ZNF618: variants seen among roughly 807,000 people sequenced by gnomAD.
ZNF618 encodes zinc finger protein 618.
A neutral mutation model predicts 103.0 loss-of-function variants in ZNF618; 34 were observed. That is an observed-to-expected ratio of 0.33 (90% CI 0.25 to 0.44). ZNF618 has a LOEUF of 0.44. Among genes scored for constraint, ZNF618 ranks in the 20% least tolerant of loss-of-function variants. ZNF618 has a pLI of 1.00. For missense variants in ZNF618, 1,059 were observed against 1,295.4 expected (o/e 0.82, Z 2.80); for synonymous variants, 551 against 542.2 (o/e 1.02, Z -0.23).
At position 113,969,154 on chromosome 9, in the gene ZNF618, C is replaced by G; in HGVS notation, c.71C>G (p.Ala24Gly). ...AGTGCAGCCGGAAGGAAAAGCACTGCGAGCAGGTACACTCCCTCTCCCGCC... is the reference window on the plus strand; with the variant it reads ...AGTGCAGCCGGAAGGAAAAGCACTGGGAGCAGGTACACTCCCTCTCCCGCC... ...GASAAGRKST[A>G]SRERLKRSQK... Residue 24 changes from alanine to glycine, a missense_variant, in exon 2 of 15, where the codon GCG becomes GGG. Physicochemically the swap from Ala to Gly is moderately conservative, Grantham distance 60. Coordinates refer to ENST00000374126, the MANE Select transcript of ZNF618 (RefSeq NM_001318042.2). 6.2e-7 allele frequency: 1 copy of G among 1,613,926 alleles called. No individual in the cohort carries two copies. The highest frequency in any genetic ancestry group is 8.5e-7 in the Non-Finnish European group (1 of 1,179,872).
At chr9:113,943,058 A>C (rs1249651558) in intron 1 of ZNF618, among the ~76,000 whole-genome samples, 4 of 152,186 alleles carry the variant, frequency 2.6e-5, no homozygotes, top group Non-Finnish European at 4.4e-5. Context: ...GGAAGAGAAG[A>C]AACTCCACTG....
intron 1 of ZNF618, among the ~76,000 whole-genome samples, chr9:113,959,874 G>A (rs143321082): frequency 0.01 from 1,524 of 152,298 alleles, 36 homozygotes; most frequent in African/African-American, 0.034. Context: ...CTCCCAAAGT[G>A]CTGGGATTAC....
At chr9:114,034,349 C>T (rs1217772719) in intron 12 of ZNF618, among the ~76,000 whole-genome samples, 1 of 152,138 alleles carries the variant, frequency 6.6e-6, no homozygotes, top group Non-Finnish European at 1.5e-5. Flanking sequence ...GTGCCCTGTG[C>T]TCCCAGCCAA....
chr9:113,907,543 C>G (rs1201489711), intron 1 of ZNF618, among the ~76,000 whole-genome samples: 1 of 152,190 alleles, frequency 6.6e-6, no homozygotes, highest in Admixed American at 6.5e-5. Context: ...TTGCTGAATC[C>G]TTATCCAATA....
chr9:113,943,305 G>A (rs1055128585), intron 1 of ZNF618, among the ~76,000 whole-genome samples: 2 of 152,182 alleles, frequency 1.3e-5, no homozygotes, highest in African/African-American at 2.4e-5. Context: ...GAAAGCTTGC[G>A]GCTGGGAGAA....
chr9:114,024,101 G>A (rs1163380039), intron 10 of ZNF618, among the ~76,000 whole-genome samples: 1 of 152,054 alleles, frequency 6.6e-6, no homozygotes, highest in Non-Finnish European at 1.5e-5. Context: ...GATAACTGAA[G>A]CTCTGTTCAT....
At chr9:113,956,209 CAAAAAAAAAAAAAAAAAAAA>C (rs10537910) in intron 1 of ZNF618, among the ~76,000 whole-genome samples, 1 of 44,532 alleles carries the variant, frequency 2.2e-5, no homozygotes, top group African/African-American at 1.0e-4. Flanking sequence ...AACTCTGTCT[CAAAAAAAAAAAAAAAAAAAA>C]AAAAAAAAAA....
At chr9:113,911,209 G>A (rs1831515222) in intron 1 of ZNF618, among the ~76,000 whole-genome samples, 1 of 152,174 alleles carries the variant, frequency 6.6e-6, no homozygotes, top group Non-Finnish European at 1.5e-5. Flanking sequence ...ATAACAAATA[G>A]CAAGTGCTCT....
intron 13 of ZNF618, among the ~76,000 whole-genome samples, chr9:114,043,131 G>T (rs1250446680): frequency 6.6e-6 from 1 of 152,210 alleles, no homozygotes; most frequent in African/African-American, 2.4e-5. Flanking sequence ...TTCACCAACT[G>T]ATGGTCATTT....
At chr9:113,987,274 A>T (rs1839572482) in intron 2 of ZNF618, among the ~76,000 whole-genome samples, 1 of 152,136 alleles carries the variant, frequency 6.6e-6, no homozygotes, top group South Asian at 2.1e-4. Context: ...ATGCTTCAGG[A>T]GTGGATGGCA....
At chr9:113,937,330 C>T (rs1424571794) in intron 1 of ZNF618, among the ~76,000 whole-genome samples, 1 of 152,164 alleles carries the variant, frequency 6.6e-6, no homozygotes, top group African/African-American at 2.4e-5. Context: ...CATGATACTC[C>T]TTTACCCCTG....
chr9:114,010,164 G>A (rs1032756626), intron 9 of ZNF618, among the ~76,000 whole-genome samples: 5 of 152,018 alleles, frequency 3.3e-5, no homozygotes, highest in Admixed American at 1.3e-4. Flanking sequence ...AGCCAGGTGT[G>A]GTGACGCACA....
rs1191014933 is a variant in ZNF618 at position 113,889,350 on chromosome 9, T to TCTCTCTCCCTCCCTCCCTCC, written c.33+12940_33+12941insTCTCCCTCCCTCCCTCCCTC. On this transcript the variant is annotated intron_variant, in intron 1 of 14. Transcript: ENST00000374126. Reference sequence around the variant, plus strand: ...CTCTCTCTCTCTCTCTCTCTCTTTCTCTCCCTCCCTCTCCATGTGTGGTCT... The same window carrying TCTCTCTCCCTCCCTCCCTCC: ...CTCTCTCTCTCTCTCTCTCTCTTTCTCTCTCTCCCTCCCTCCCTCCCTCCCTCCCTCTCCATGTGTGGTCT... Among the ~76,000 whole-genome samples the TCTCTCTCCCTCCCTCCCTCC allele has an allele frequency of 2.0e-5, 3 of 148,352 alleles. No individual in the cohort carries two copies. The East Asian group carries it at 7.2e-4, about 36-fold the overall frequency.
intron 1 of ZNF618, among the ~76,000 whole-genome samples, chr9:113,901,444 C>A (rs1019775023): frequency 6.6e-6 from 1 of 152,220 alleles, no homozygotes; most frequent in African/African-American, 2.4e-5. Context: ...CATCTGCTTC[C>A]CCATCTGGTC....
intron 10 of ZNF618, among the ~76,000 whole-genome samples, chr9:114,025,037 T>C (rs1843379904): frequency 6.6e-6 from 1 of 152,172 alleles, no homozygotes; most frequent in African/African-American, 2.4e-5. Context: ...CATCATGTTT[T>C]CTCTCCTGAA....
intron 9 of ZNF618, 124 bp downstream of exon 9, chr9:114,008,678 C>T: frequency 8.9e-7 from 1 of 1,127,476 alleles, no homozygotes; most frequent in Non-Finnish European, 1.3e-6. Context: ...CAATGGTGCC[C>T]AACCTGTCAG....
At chr9:113,979,273 G>T (rs1344561367) in intron 2 of ZNF618, among the ~76,000 whole-genome samples, 1 of 152,158 alleles carries the variant, frequency 6.6e-6, no homozygotes, top group Non-Finnish European at 1.5e-5. Context: ...TCGCCTTAGG[G>T]CCTGAGTGTA....
intron 3 of ZNF618, among the ~76,000 whole-genome samples, chr9:113,991,057 C>G: frequency 6.6e-6 from 1 of 152,220 alleles, no homozygotes; most frequent in African/African-American, 2.4e-5. Flanking sequence ...ATGGTTGAAT[C>G]TGAATCCTGG....
chr9:113,998,838 G>A (rs188792222), intron 4 of ZNF618, among the ~76,000 whole-genome samples: 27 of 152,364 alleles, frequency 1.8e-4, no homozygotes, highest in African/African-American at 6.5e-4. Context: ...GTGCATTCAG[G>A]AAGTTGGGTT....
Sources: gnomAD v4.1 joint callset for allele counts (sites outside exome capture counted in the v4.1 genomes callset) on GRCh38, gnomAD v4.1.1 for gene constraint, MANE v1.5 for transcripts, NCBI Gene and HGNC (gene_info 2026-07-23, HGNC 2026-07-21) for gene names.